Variants in RGR observed in about 807,000 individuals in gnomAD.
RGR encodes the protein retinal G protein coupled receptor.
RGR carries 30 observed loss-of-function variants against 28.6 expected under a neutral mutation model. The observed-to-expected ratio is 1.05, with a 90% confidence interval of 0.78 to 1.42. The LOEUF is 1.42. Among genes scored for constraint, RGR ranks in the 40% most tolerant of loss-of-function variants. The pLI is 0.00. For missense variants in RGR, 404 were observed against 375.6 expected, an observed-to-expected ratio of 1.08 and a Z score of -0.62; for synonymous variants, 180 against 156.4, an observed-to-expected ratio of 1.15 and a Z score of -1.13.
intron 1 of RGR, 113 bp downstream of exon 1, chr10:84,245,282 C>T (rs191731385): frequency 9.6e-5 from 96 of 1,003,512 alleles, no homozygotes; most frequent in African/African-American, 9.0e-4. Flanking sequence ...GCTGGGTGTC[C>T]GGTCCCATTG....
Position 84,257,940 on chromosome 10 carries a change from CT to C in RGR, c.679del (p.Tyr227MetfsTer13), listed in dbSNP as rs1842908009. The C allele has an allele frequency of 5.6e-6, 9 of 1,614,218 alleles. No individual in the cohort carries two copies. The highest frequency in any genetic ancestry group is 7.6e-6 in the Non-Finnish European group (9 of 1,180,048). Reference sequence around the variant, plus strand: ...GGACGCTGCTGCTCGGCTGGGGCCCCTATGCCATCCTGTATCTATACGCAGT... The same window carrying C: ...GGACGCTGCTGCTCGGCTGGGGCCCCATGCCATCCTGTATCTATACGCAGT... The part of the protein sequence containing the change: ...ARTLLLGWGP[Y>X]AILYLYAVIA... On this transcript the variant is annotated frameshift_variant, in exon 6 of 7. Transcript: ENST00000652092. LOFTEE classifies it high-confidence loss of function.
At chr10:84,258,322 G>C (rs1177151379) in intron 6 of RGR, among the ~76,000 whole-genome samples, 186 bp from the exon 7 acceptor site, 1 of 152,102 alleles carries the variant, frequency 6.6e-6, no homozygotes, top group Non-Finnish European at 1.5e-5. Flanking sequence ...GGTGGGTCTG[G>C]ACAAGAGTAT....
At chr10:84,248,707 G>A in intron 2 of RGR, 1 of 739,854 alleles carries the variant, frequency 1.4e-6, no homozygotes, top group African/African-American at 1.7e-5. Flanking sequence ...CCATGGTGCA[G>A]TCAAAGTCAC....
At chr10:84,258,068 C>A in intron 6 of RGR, 62 bp downstream of exon 6, 2 of 1,389,332 alleles carry the variant, frequency 1.4e-6, no homozygotes, top group Non-Finnish European at 2.0e-6. Context: ...TGTCTCATCT[C>A]ATCTCACTTT....
At chr10:84,248,455 C>T in intron 2 of RGR, 1 of 274,188 alleles carries the variant, frequency 3.6e-6, no homozygotes, top group Non-Finnish European at 7.1e-6. Flanking sequence ...TGCTGACCAG[C>T]CTGGGGGGTC....
chr10:84,257,821 G>C, intron 5 of RGR, 72 bp from the exon 6 acceptor site: 1 of 1,331,994 alleles, frequency 7.5e-7, no homozygotes, highest in Middle Eastern at 2.4e-4. Context: ...GTGCTGACCT[G>C]GTTTTCTTGG....
chr10:84,251,213 T>A (rs1389394447), intron 3 of RGR, among the ~76,000 whole-genome samples: 2 of 152,096 alleles, frequency 1.3e-5, no homozygotes, highest in Admixed American at 6.6e-5. Context: ...CCAGCCTGGG[T>A]GACACAGCAA....
intron 3 of RGR, among the ~76,000 whole-genome samples, chr10:84,249,740 G>A (rs559871809): frequency 4.6e-5 from 7 of 152,244 alleles, no homozygotes; most frequent in Non-Finnish European, 7.3e-5. Context: ...TGTGTGTGTA[G>A]CTGGGCATGT....
At chr10:84,248,259 T>C (rs1589330018) in intron 2 of RGR, 7 of 1,130,970 alleles carry the variant, frequency 6.2e-6, no homozygotes, top group Non-Finnish European at 7.9e-6. Flanking sequence ...GTGGAGAGGA[T>C]AAGAGGCAGG....
chr10:84,248,929 C>A lies in RGR; in HGVS notation c.244C>A (p.Pro82Thr). 6.2e-7 allele frequency: 1 copy of A among 1,614,172 alleles called. No homozygotes were observed. The highest frequency in any genetic ancestry group is 1.3e-5 in the African/African-American group (1 of 75,066). The change falls in exon 3 of 7, where the codon CCC becomes ACC. Residue 82 changes from proline (P) to threonine (T), a missense_variant. By Grantham distance (38) the Pro-to-Thr change is conservative. Transcript: ENST00000652092. ...AATSSLLRRW[P>T]YGSDGCQAHG... ...GCCCAGTGTCTCCCACAGGCGCTGG[C>A]CCTACGGCTCGGACGGCTGCCAGGC... is the stretch of plus-strand genomic sequence containing the variant.
At chr10:84,248,777 G>A (rs1842778618) in intron 2 of RGR, 145 bp from the exon 3 acceptor site, 11 of 1,467,194 alleles carry the variant, frequency 7.5e-6, no homozygotes, top group African/African-American at 2.8e-5. Context: ...GAGCTCCAAC[G>A]CCTCATAGGA....
chr10:84,248,156 A>G (rs1842770822), intron 2 of RGR: 3 of 1,025,786 alleles, frequency 2.9e-6, no homozygotes, highest in Admixed American at 6.0e-5. Flanking sequence ...CTAGGACTCT[A>G]CGTAAGTGTT....
intron 5 of RGR, among the ~76,000 whole-genome samples, chr10:84,256,185 C>T (rs980823210): frequency 6.7e-6 from 1 of 149,788 alleles, no homozygotes; most frequent in African/African-American, 2.5e-5. Context: ...TCTCCTGCCT[C>T]AGCGTCCCTA....
intron 6 of RGR, 43 bp from the exon 7 acceptor site, chr10:84,258,465 A>C: frequency 6.2e-7 from 1 of 1,613,988 alleles, no homozygotes; most frequent in Non-Finnish European, 8.5e-7. Context: ...AGAGAGGATC[A>C]GTGGCTTTGA....
chr10:84,247,578 C>A lies in RGR; in HGVS notation c.80-13C>A. 1.2e-6 allele frequency: 2 copies of A among 1,614,132 alleles called. No individual in the cohort carries two copies. Among genetic ancestry groups the A allele is most frequent in the Non-Finnish European group, 8.5e-7 (1 of 1,180,036 alleles). ...TCAGCAGCCCCAATGCCAGCCCCCA[C>A]CCTTCCTTTCAGCTCTCTCCGGTCT... On this transcript the variant is annotated splice_polypyrimidine_tract_variant and intron_variant, in intron 1 of 6. Transcript: ENST00000652092.
chr10:84,247,911 G>C, intron 2 of RGR, 164 bp downstream of exon 2: 1 of 991,770 alleles, frequency 1.0e-6, no homozygotes. Context: ...TGATTCTGAA[G>C]AACGACAGCT....
intron 3 of RGR, among the ~76,000 whole-genome samples, chr10:84,249,562 C>T (rs1050929336): frequency 1.3e-5 from 2 of 152,250 alleles, no homozygotes; most frequent in Admixed American, 1.3e-4. Flanking sequence ...CTACCCACCT[C>T]AGCCTCCCAA....
intron 3 of RGR, among the ~76,000 whole-genome samples, chr10:84,249,614 A>T (rs1300697275): frequency 6.6e-6 from 1 of 152,212 alleles, no homozygotes; most frequent in Non-Finnish European, 1.5e-5. Flanking sequence ...CCCGGCTGAG[A>T]TGATTTTAAT....
In RGR at chr10:84,245,053, A is replaced by G. The variant is rs12241683; in HGVS notation, c.-38A>G. On this transcript the variant is annotated 5_prime_UTR_variant, in exon 1 of 7. Transcript: ENST00000652092. ...AGGGAGGGCCTGGCTGTGGGAAGCCAGAGACAGCTGGGCCACTGGCAGTGA... is the reference window on the plus strand; with the variant it reads ...AGGGAGGGCCTGGCTGTGGGAAGCCGGAGACAGCTGGGCCACTGGCAGTGA... 1 of 1,607,728 alleles carries G rather than the reference A, an allele frequency of 6.2e-7. No individual in the cohort carries two copies.
Sources: gnomAD v4.1 joint callset for allele counts (sites outside exome capture counted in the v4.1 genomes callset) on GRCh38, gnomAD v4.1.1 for gene constraint, MANE v1.5 for transcripts, NCBI Gene and HGNC (gene_info 2026-07-23, HGNC 2026-07-21) for gene names.